The following ARHGAP31 variants were observed in gnomAD, a reference collection of about 807,000 sequenced individuals.
The protein encoded by ARHGAP31 is rho GTPase-activating protein 31.
A neutral mutation model predicts 113.9 loss-of-function variants in ARHGAP31; 34 were observed. That is an observed-to-expected ratio of 0.30 (90% confidence interval 0.23 to 0.40). ARHGAP31 has a LOEUF of 0.40. ARHGAP31 is among the 10% of genes least tolerant of loss of function. The probability of loss-of-function intolerance (pLI) is 1.00; values close to 1 mark genes in which losing one functional copy is unlikely to be tolerated. For synonymous variants in ARHGAP31, 650 were observed against 684.8 expected (o/e 0.95, Z 0.79); for missense variants, 1,548 against 1,767.1 (o/e 0.88, Z 2.22).
At chr3:119,319,558 C>T (rs1030445098) in intron 1 of ARHGAP31, among the ~76,000 whole-genome samples, 1 of 152,156 alleles carries the variant, frequency 6.6e-6, no homozygotes, top group African/African-American at 2.4e-5. Context: ...GATGCCAACA[C>T]AGTCATATCC....
Position 119,294,977 on chromosome 3 carries a change from G to C in ARHGAP31, c.73G>C (p.Glu25Gln). Residue 25 changes from glutamate (E) to glutamine (Q), a missense_variant, in exon 1 of 12, where the codon GAG becomes CAG. Coordinates refer to ENST00000264245, the MANE Select transcript of ARHGAP31 (RefSeq NM_020754.4). ...CAGCGCGTTTGGCTGTGACCTGACG[G>C]AGTATCTGGAAAGCTCGGGACAGGA... is the stretch of plus-strand genomic sequence containing the variant. The part of the protein sequence containing the change: ...AASAFGCDLT[E>Q]YLESSGQDVP... 6.2e-7 allele frequency: 1 copy of C among 1,614,114 alleles called. No individual in the cohort carries two copies. Among genetic ancestry groups the C allele is most frequent in the Non-Finnish European group, 8.5e-7 (1 of 1,180,006 alleles).
At chr3:119,365,249 G>A in intron 1 of ARHGAP31, 67 bp from the exon 2 acceptor site, 1 of 1,328,466 alleles carries the variant, frequency 7.5e-7, no homozygotes, top group Middle Eastern at 1.9e-4. Flanking sequence ...TTTTTAAAAG[G>A]ATATCTTTAA....
chr3:119,304,447 G>C (rs1344699753), intron 1 of ARHGAP31, among the ~76,000 whole-genome samples: 1 of 152,180 alleles, frequency 6.6e-6, no homozygotes, highest in East Asian at 1.9e-4. Flanking sequence ...GGATGGGGTG[G>C]TTGGTCTCTA....
Position 119,402,043 on chromosome 3 carries a change from C to G in ARHGAP31, c.1291C>G (p.Gln431Glu), listed in dbSNP as rs776032337. ...QGAQARPPPE[Q>E]LKVFRPVEDP... is the part of the protein sequence containing the mutation. The stretch of plus-strand genomic sequence containing the variant: ...CGCTCAGGCCCGGCCCCCACCGGAA[C>G]AGCTGAAGGTTTTCCGGCCTGTTGA... Residue 431 changes from glutamine to glutamate, a missense_variant, in exon 10 of 12, where the codon CAG (glutamine) becomes GAG (glutamate). Physicochemically the swap from Gln to Glu is conservative, Grantham distance 29. Coordinates refer to ENST00000264245, the MANE Select transcript of ARHGAP31 (RefSeq NM_020754.4). The G allele has an allele frequency of 1.9e-6, 3 of 1,614,078 alleles. No homozygotes were observed. Among genetic ancestry groups the G allele is most frequent in the Non-Finnish European group, 2.5e-6 (3 of 1,180,036 alleles).
intron 1 of ARHGAP31, among the ~76,000 whole-genome samples, chr3:119,297,554 A>G (rs2107590499): frequency 6.6e-6 from 1 of 152,330 alleles, no homozygotes; most frequent in South Asian, 2.1e-4. Flanking sequence ...AGGGGAGAAG[A>G]CCAAAGATTT....
At chr3:119,353,999 G>A (rs759665421) in intron 1 of ARHGAP31, among the ~76,000 whole-genome samples, 6 of 152,122 alleles carry the variant, frequency 3.9e-5, no homozygotes, top group African/African-American at 1.4e-4. Flanking sequence ...TGAGGGCCCC[G>A]GCAGGGATAA....
chr3:119,323,492 C>A (rs2079812271), intron 1 of ARHGAP31, among the ~76,000 whole-genome samples: 1 of 152,068 alleles, frequency 6.6e-6, no homozygotes, highest in Admixed American at 6.5e-5. Context: ...TCTTTTGTTT[C>A]TTTTCTTCTT....
In ARHGAP31 at chr3:119,415,651, G is replaced by C; in HGVS notation, c.3722G>C (p.Gly1241Ala). 1 of 1,614,046 alleles carries C rather than the reference G, an allele frequency of 6.2e-7. No individual in the cohort carries two copies. The highest frequency in any genetic ancestry group is 8.5e-7 in the Non-Finnish European group (1 of 1,179,994). The change falls in exon 12 of 12, where the codon GGG becomes GCG. Residue 1241 changes from glycine to alanine, a missense_variant. Coordinates refer to ENST00000264245, the MANE Select transcript of ARHGAP31 (RefSeq NM_020754.4). ...RSQEGPSSTSGTTQKPAKDDS... is the reference protein window; with the variant it reads ...RSQEGPSSTSATTQKPAKDDS... The stretch of plus-strand genomic sequence containing the variant: ...CAGGAGGGACCCAGCTCAACCAGTG[G>C]GACCACTCAGAAACCTGCCAAAGAT...
chr3:119,375,586 G>C (rs1028056428), intron 3 of ARHGAP31, among the ~76,000 whole-genome samples: 2 of 152,076 alleles, frequency 1.3e-5, no homozygotes, highest in Admixed American at 6.5e-5. Context: ...ATATCGTCGG[G>C]AGCAATTATT....
chr3:119,298,897 C>T, intron 1 of ARHGAP31: 1 of 236,222 alleles, frequency 4.2e-6, no homozygotes, highest in South Asian at 6.6e-5. Flanking sequence ...GTGAGTTGTG[C>T]CATTCACAGC....
At chr3:119,303,117 A>G (rs1051625194) in intron 1 of ARHGAP31, among the ~76,000 whole-genome samples, 1 of 152,196 alleles carries the variant, frequency 6.6e-6, no homozygotes, top group Non-Finnish European at 1.5e-5. Context: ...ATGCAAATCG[A>G]TGGTGAGTTC....
chr3:119,328,211 C>T (rs975233075), intron 1 of ARHGAP31, among the ~76,000 whole-genome samples: 4 of 151,862 alleles, frequency 2.6e-5, no homozygotes, highest in Non-Finnish European at 5.9e-5. Flanking sequence ...TAAATGCCAC[C>T]AAGTATAGCA....
intron 3 of ARHGAP31, among the ~76,000 whole-genome samples, chr3:119,378,694 TCTCCCTTGG>T (rs2080370029): frequency 6.6e-6 from 1 of 152,056 alleles, no homozygotes; most frequent in Non-Finnish European, 1.5e-5. Flanking sequence ...CCGGGGCTTC[TCTCCCTTGG>T]CTCCCCGGCT....
At chr3:119,320,254 G>C (rs147489238) in intron 1 of ARHGAP31, among the ~76,000 whole-genome samples, 43 of 152,166 alleles carry the variant, frequency 2.8e-4, no homozygotes, top group Non-Finnish European at 5.1e-4. Flanking sequence ...TCTATTCTCT[G>C]CTGCTACATA....
At chr3:119,340,580 G>A (rs569239961) in intron 1 of ARHGAP31, among the ~76,000 whole-genome samples, 4 of 152,312 alleles carry the variant, frequency 2.6e-5, no homozygotes, top group South Asian at 2.1e-4. Context: ...GACAAGACAC[G>A]TATTTCTTTG....
At chr3:119,295,031 G>A in intron 1 of ARHGAP31, 27 bp downstream of exon 1, 2 of 1,597,472 alleles carry the variant, frequency 1.3e-6, no homozygotes, top group Non-Finnish European at 1.7e-6. Flanking sequence ...TTTCTCCCCC[G>A]CCCCCACCTT....
Position 119,326,756 on chromosome 3 carries a change from G to A in ARHGAP31, c.100+31752G>A, listed in dbSNP as rs533441082. Among the ~76,000 whole-genome samples, 102 of 152,320 alleles carry A rather than the reference G, an allele frequency of 6.7e-4. 2 individuals carry two copies. The highest frequency in any genetic ancestry group is 2.4e-3 in the African/African-American group (101 of 41,566). On this transcript the variant is annotated intron_variant, in intron 1 of 11. Coordinates refer to ENST00000264245, the MANE Select transcript of ARHGAP31 (RefSeq NM_020754.4). Reference sequence around the variant, plus strand: ...AGCATTCAGCAGGTATTCAGAACATGACTGGAATCTTGCGTTTGTATCTGC... The same window carrying A: ...AGCATTCAGCAGGTATTCAGAACATAACTGGAATCTTGCGTTTGTATCTGC...
At chr3:119,307,960 A>AAAAAAAAAAAAAAAAAAAAAG in intron 1 of ARHGAP31, among the ~76,000 whole-genome samples, 1 of 150,084 alleles carries the variant, frequency 6.7e-6, no homozygotes, top group Non-Finnish European at 1.5e-5. Context: ...AAAAAAAAAA[A>AAAAAAAAAAAAAAAAAAAAAG]GCTCAATCTT....
intron 1 of ARHGAP31, among the ~76,000 whole-genome samples, chr3:119,364,009 T>C (rs966403489): frequency 6.6e-6 from 1 of 152,082 alleles, no homozygotes; most frequent in Non-Finnish European, 1.5e-5. Flanking sequence ...TGGCAAGTGA[T>C]CTGCTGCTCT....
Sources: gnomAD v4.1 joint callset for allele counts (sites outside exome capture counted in the v4.1 genomes callset) on GRCh38, gnomAD v4.1.1 for gene constraint, MANE v1.5 for transcripts, NCBI Gene and HGNC (gene_info 2026-07-23, HGNC 2026-07-21) for gene names.